APC: variants seen among roughly 807,000 people sequenced by gnomAD.
The protein encoded by APC is adenomatous polyposis coli protein.
In APC, 72 loss-of-function variants were observed where a neutral mutation model predicts 247.0. The observed-to-expected ratio is 0.29, with a 90% CI of 0.24 to 0.35. APC has a LOEUF of 0.35. Among genes scored for constraint, APC ranks in the 10% least tolerant of loss-of-function variants. The pLI, the probability that APC is intolerant of heterozygous loss-of-function variation, is 1.00. For synonymous variants in APC, 1,254 were observed against 1,162.5 expected (o/e 1.08, Z -1.60); for missense variants, 3,400 against 3,360.7 (o/e 1.01, Z -0.29).
Position 112,839,351 on chromosome 5 carries a change from T to A in APC, c.3757T>A (p.Ser1253Thr), listed in dbSNP as rs2149898439. 2.5e-6 allele frequency: 4 copies of A among 1,613,158 alleles called. No homozygotes were observed. The highest frequency in any genetic ancestry group is 3.4e-6 in the Non-Finnish European group (4 of 1,179,534). ...AAAGGCTGCCACTTGCAAAGTTTCTTCTATTAACCAAGAAACAATACAGAC... is the reference window on the plus strand; with the variant it reads ...AAAGGCTGCCACTTGCAAAGTTTCTACTATTAACCAAGAAACAATACAGAC... The part of the protein sequence containing the change: ...PQKAATCKVS[S>T]INQETIQTYC... Residue 1253 changes from serine (S) to threonine (T), a missense_variant, in exon 16 of 16, where the codon TCT becomes ACT. Around this residue, in one of 9 missense-constraint regions of APC, gnomAD observed 715 missense variants for 656.6 expected, o/e 1.09. Transcript: ENST00000257430. The surrounding 1 kb of genome is among the most constrained non-coding windows in gnomAD (Gnocchi z 5.0).
chr5:112,722,111 A>C (rs929249744), intron 1 of APC, among the ~76,000 whole-genome samples: 1 of 152,200 alleles, frequency 6.6e-6, no homozygotes, highest in Non-Finnish European at 1.5e-5. Flanking sequence ...TTCAACTAAG[A>C]TAAATCGGTG....
chr5:112,812,492 C>G (rs1159377546), intron 8 of APC, among the ~76,000 whole-genome samples: 1 of 152,202 alleles, frequency 6.6e-6, no homozygotes, highest in East Asian at 1.9e-4. Flanking sequence ...TCTCCACACA[C>G]ACACAAACAC....
At chr5:112,829,051 T>C (rs1764039990) in intron 14 of APC, 79 bp downstream of exon 14, 2 of 963,726 alleles carry the variant, frequency 2.1e-6, no homozygotes, top group African/African-American at 3.2e-5. Flanking sequence ...AGCCATGAGA[T>C]TTCCTAATTT....
rs755851501 is a variant in APC, at chr5:112,842,511, A to G, written c.6917A>G (p.Asp2306Gly). The change falls in exon 16 of 16, where the codon GAT becomes GGT. Residue 2306 changes from aspartate to glycine, a missense_variant. Around this residue, in one of 9 missense-constraint regions of APC, gnomAD observed 1,788 missense variants for 1,649.5 expected, o/e 1.08. Coordinates refer to ENST00000257430, the MANE Select transcript of APC (RefSeq NM_000038.6). Reference sequence around the variant, plus strand: ...GCACCTTCTAGATCAGGATCTAGAGATTCGACCCCTTCAAGACCTGCCCAG... The same window carrying G: ...GCACCTTCTAGATCAGGATCTAGAGGTTCGACCCCTTCAAGACCTGCCCAG... The part of the protein sequence containing the change: ...SKAPSRSGSR[D>G]STPSRPAQQP... 6.2e-7 allele frequency: 1 copy of G among 1,614,060 alleles called. No homozygotes were observed. Among genetic ancestry groups the G allele is most frequent in the South Asian group, 1.1e-5 (1 of 91,080 alleles).
rs1456288777 is a variant in APC, at chr5:112,819,169, T to C, written c.1137T>C (p.Ala379=). 3 of 1,613,868 alleles carry C rather than the reference T, an allele frequency of 1.9e-6. No individual in the cohort carries two copies. The highest frequency in any genetic ancestry group is 2.5e-6 in the Non-Finnish European group (3 of 1,179,988). The part of the protein sequence containing the change: ...LLGNSRGSKE[A]RARASAALHN... Reference sequence around the variant, plus strand: ...GAAATTCCCGGGGCAGTAAAGAGGCTCGGGCCAGGGCCAGTGCAGCACTCC... The same window carrying C: ...GAAATTCCCGGGGCAGTAAAGAGGCCCGGGCCAGGGCCAGTGCAGCACTCC... The change falls in exon 10 of 16, where the codon GCT becomes GCC. Residue 379 remains alanine (A), a synonymous_variant. Transcript: ENST00000257430.
At chr5:112,769,331 A>AT (rs1756762831) in intron 4 of APC, among the ~76,000 whole-genome samples, 1 of 152,068 alleles carries the variant, frequency 6.6e-6, no homozygotes, top group African/African-American at 2.4e-5. Context: ...GATTACAGGC[A>AT]TGAGCCACTG....
chr5:112,796,805 T>A (rs1199181099), intron 7 of APC, among the ~76,000 whole-genome samples: 1 of 152,090 alleles, frequency 6.6e-6, no homozygotes, highest in African/African-American at 2.4e-5. Flanking sequence ...TTTAATTGAA[T>A]AGCTTTAGTT....
In APC at chr5:112,839,481, C is replaced by G. The variant is rs1291513037; in HGVS notation, c.3887C>G (p.Ala1296Gly). Reference sequence around the variant, plus strand: ...GGATGTAATCAGACGACACAGGAAGCAGATTCTGCTAATACCCTGCAAATA... The same window carrying G: ...GGATGTAATCAGACGACACAGGAAGGAGATTCTGCTAATACCCTGCAAATA... ...EIGCNQTTQE[A>G]DSANTLQIAE... The change falls in exon 16 of 16, where the codon GCA (alanine) becomes GGA (glycine). Residue 1296 changes from alanine (A) to glycine (G), a missense_variant. By Grantham distance (60) the Ala-to-Gly change is moderately conservative. This residue lies in a region of APC where 715 missense variants were observed against 656.6 expected (regional missense o/e 1.09). Transcript: ENST00000257430. This position sits in a 1 kb window ranked among gnomAD's most constrained non-coding sequence, Gnocchi z 5.0. 1 of 1,614,172 alleles carries G rather than the reference C, an allele frequency of 6.2e-7. No individual in the cohort carries two copies. Among genetic ancestry groups the G allele is most frequent in the Non-Finnish European group, 8.5e-7 (1 of 1,180,016 alleles).
At position 112,841,370 on chromosome 5, in the gene APC, A is replaced by G. The variant is rs1766040137; in HGVS notation, c.5776A>G (p.Ile1926Val). 5 of 1,613,682 alleles carry G rather than the reference A, an allele frequency of 3.1e-6. No homozygotes were observed. The highest frequency in any genetic ancestry group is 1.3e-5 in the African/African-American group (1 of 75,044). ...AATAAATCGAGGTCAGCCTAAACCCATACTTCAGAAACAATCCACTTTTCC... is the reference window on the plus strand; with the variant it reads ...AATAAATCGAGGTCAGCCTAAACCCGTACTTCAGAAACAATCCACTTTTCC... ...QPINRGQPKPILQKQSTFPQS... is the reference protein window; with the variant it reads ...QPINRGQPKPVLQKQSTFPQS... Residue 1926 changes from isoleucine to valine, a missense_variant, in exon 16 of 16, where the codon ATA (isoleucine) becomes GTA (valine). Around this residue, in one of 9 missense-constraint regions of APC, gnomAD observed 1,788 missense variants for 1,649.5 expected, o/e 1.08. Coordinates refer to ENST00000257430, the MANE Select transcript of APC (RefSeq NM_000038.6). This position sits in a 1 kb window ranked among gnomAD's most constrained non-coding sequence, Gnocchi z 4.6.
chr5:112,766,898 C>G (rs779747029), intron 3 of APC, among the ~76,000 whole-genome samples: 10 of 152,140 alleles, frequency 6.6e-5, no homozygotes, highest in Non-Finnish European at 1.3e-4. Context: ...AGAGAAAGTG[C>G]TTGATAATAA....
At chr5:112,804,872 C>T (rs1761209015) in intron 8 of APC, among the ~76,000 whole-genome samples, 2 of 152,028 alleles carry the variant, frequency 1.3e-5, no homozygotes, top group Admixed American at 6.6e-5. Context: ...GTCCCAGCTA[C>T]TTGGGAGGCC....
In APC at chr5:112,719,124, G is replaced by T. The variant is rs1751341629; in HGVS notation, c.165+11242G>T. On this transcript the variant is annotated intron_variant, in intron 1 of 13. Coordinates refer to the APC transcript ENST00000507379. ...GAAGTGGGACTGTATGGAGGAGGGA[G>T]AATGTACTAAACTGAGGAGGGACTG... 2.0e-5 allele frequency among the ~76,000 whole-genome samples: 3 copies of T among 152,222 alleles called. 1 individual carries two copies. The South Asian group carries it at 6.2e-4, about 32-fold the overall frequency.
intron 15 of APC, among the ~76,000 whole-genome samples, chr5:112,836,165 T>TCCCCCCCCC (rs59050067): frequency 2.0e-4 from 5 of 24,478 alleles, no homozygotes; most frequent in African/African-American, 4.2e-4. Context: ...GGATTACAGG[T>TCCCCCCCCC]CCCCCCCCCC....
intron 2 of APC, among the ~76,000 whole-genome samples, chr5:112,760,454 TAG>T (rs1755525938): frequency 6.6e-6 from 1 of 152,152 alleles, no homozygotes; most frequent in Non-Finnish European, 1.5e-5. Context: ...TTAAATTTTG[TAG>T]AGCAGGAGAT....
chr5:112,712,496 C>G (rs1750912914), intron 1 of APC, among the ~76,000 whole-genome samples: 1 of 151,962 alleles, frequency 6.6e-6, no homozygotes, highest in South Asian at 2.1e-4. Flanking sequence ...AAGCAGTCCT[C>G]CCATCTCAGC....
intron 1 of APC, among the ~76,000 whole-genome samples, chr5:112,710,561 T>C (rs971330936): frequency 6.6e-6 from 1 of 152,200 alleles, no homozygotes; most frequent in African/African-American, 2.4e-5. Flanking sequence ...CTAGCCTACA[T>C]AGATGCTTGT....
rs1762389177 is a variant in APC at position 112,815,367 on chromosome 5, T to C, written c.835-128T>C. On this transcript the variant is annotated intron_variant, in intron 8 of 15. Coordinates refer to ENST00000257430, the MANE Select transcript of APC (RefSeq NM_000038.6). The stretch of plus-strand genomic sequence containing the variant: ...TAAAAAATATTTTGAACAGTTATAA[T>C]GGTCATACTTTTATGATGTATTTAA... 4 of 663,690 alleles carry C rather than the reference T, an allele frequency of 6.0e-6. No homozygotes were observed. In the Admixed American group the frequency reaches 6.5e-5, roughly 11 times the overall value. The allele number at this position is 663,690 out of a possible 1,614,324, so 41.1% of individuals were successfully genotyped here. A position where few individuals can be genotyped will look rare whatever the true frequency, so the allele number is the denominator to read the frequency against.
chr5:112,719,581 C>T (rs1055165529), intron 1 of APC, among the ~76,000 whole-genome samples: 8 of 150,680 alleles, frequency 5.3e-5, no homozygotes, highest in African/African-American at 2.0e-4. Flanking sequence ...ACTGTGTCGC[C>T]CAGGCTGGAG....
At chr5:112,810,769 C>G (rs1761905102) in intron 8 of APC, among the ~76,000 whole-genome samples, 1 of 152,164 alleles carries the variant, frequency 6.6e-6, no homozygotes, top group African/African-American at 2.4e-5. Flanking sequence ...GAAATACATG[C>G]TGGATTTGCT....
Sources: allele counts gnomAD v4.1 joint callset (sites outside exome capture counted in the v4.1 genomes callset), GRCh38; gene constraint gnomAD v4.1.1; regional missense constraint gnomAD v4.1.1; non-coding constraint Gnocchi (gnomAD v3.1); transcripts MANE v1.5; gene names NCBI Gene and HGNC (gene_info 2026-07-23, HGNC 2026-07-21).